Variants in CAMTA1 observed in about 807,000 individuals in gnomAD.
CAMTA1 encodes calmodulin-binding transcription activator 1.
CAMTA1 carries 27 observed loss-of-function variants against 170.9 expected under a neutral mutation model. That is an observed-to-expected ratio of 0.16 (90% CI 0.12 to 0.22). The LOEUF (loss-of-function observed/expected upper bound fraction) is 0.22. Ranked by LOEUF, CAMTA1 falls within the 10% of genes least tolerant of loss-of-function variation. CAMTA1 has a pLI of 1.00. For missense variants in CAMTA1, 1,619 were observed against 2,217.2 expected (o/e 0.73, Z 5.42); for synonymous variants, 833 against 891.5 (o/e 0.93, Z 1.17).
rs1673478539 is a variant in CAMTA1 at position 7,293,600 on chromosome 1, T to C, written c.438+43974T>C. Among the ~76,000 whole-genome samples, 1 of 152,232 alleles carries C rather than the reference T, an allele frequency of 6.6e-6. No individual in the cohort carries two copies. The highest frequency in any genetic ancestry group is 1.5e-5 in the Non-Finnish European group (1 of 68,046). On this transcript the variant is annotated intron_variant, in intron 5 of 22. Transcript: ENST00000303635. The surrounding 1 kb of genome is among the most constrained non-coding windows in gnomAD (Gnocchi z 4.1). ...GTTTGTATAATTTGGTGGTCTGTTT[T>C]CATCTTTTACAAGCAAAATGCTTGG... is the stretch of plus-strand genomic sequence containing the variant.
intron 11 of CAMTA1, among the ~76,000 whole-genome samples, chr1:7,696,323 G>C (rs1349852110): frequency 6.6e-6 from 1 of 152,032 alleles, no homozygotes; most frequent in Non-Finnish European, 1.5e-5. Flanking sequence ...CAGCCTCCGA[G>C]TAGCTGGGAC....
At chr1:7,493,292 C>A (rs1217389295) in intron 6 of CAMTA1, among the ~76,000 whole-genome samples, 12 of 141,816 alleles carry the variant, frequency 8.5e-5, no homozygotes, top group South Asian at 4.7e-4. Context: ...CGCGCACAAA[C>A]ACAAACATAC....
Position 7,455,609 on chromosome 1 carries a change from G to A in CAMTA1, c.439-12221G>A, listed in dbSNP as rs78712083. The stretch of plus-strand genomic sequence containing the variant: ...CAAGAATCCCTGCCCAGACTCCCTG[G>A]CCACATGCAGCCGCACATGTTGGAG... On this transcript the variant is annotated intron_variant, in intron 5 of 22. Coordinates refer to ENST00000303635, the MANE Select transcript of CAMTA1 (RefSeq NM_015215.4). The surrounding 1 kb of genome is among the most constrained non-coding windows in gnomAD (Gnocchi z 5.0). 2.5e-3 allele frequency among the ~76,000 whole-genome samples: 383 copies of A among 152,298 alleles called. 2 individuals are homozygous for A. Among genetic ancestry groups the A allele is most frequent in the African/African-American group, 8.0e-3 (332 of 41,574 alleles).
Position 7,499,230 on chromosome 1 carries a change from AGT to A in CAMTA1, c.510+31339_510+31340del, listed in dbSNP as rs1201043879. On this transcript the variant is annotated intron_variant, in intron 6 of 22. Transcript: ENST00000303635. ...CCTGGTGTGCATGTGTATGTATATG[AGT>A]GTGTGTGTGCATGTGTGTACATGAG... Among the ~76,000 whole-genome samples, 185 of 81,702 alleles carry A rather than the reference AGT, an allele frequency of 2.3e-3. 7 individuals are homozygous for A. Among genetic ancestry groups the A allele is most frequent in the African/African-American group, 4.3e-3 (82 of 19,014 alleles). 53.6% of individuals were successfully genotyped at this position (81,702 alleles called of 152,430 possible).
chr1:7,035,264 G>C (rs1572589542), intron 3 of CAMTA1, among the ~76,000 whole-genome samples: 1 of 152,108 alleles, frequency 6.6e-6, no homozygotes. Context: ...GCCGGGTGTG[G>C]TGGCACGCGC....
intron 5 of CAMTA1, among the ~76,000 whole-genome samples, chr1:7,354,445 G>A (rs1390777481): frequency 2.0e-5 from 3 of 152,152 alleles, no homozygotes; most frequent in East Asian, 3.8e-4. Flanking sequence ...CACCGCGCCC[G>A]ACCTACCACA....
intron 4 of CAMTA1, among the ~76,000 whole-genome samples, chr1:7,105,893 A>T (rs913027730): frequency 3.9e-5 from 6 of 152,078 alleles, no homozygotes; most frequent in Non-Finnish European, 8.8e-5. Context: ...GTGAGCCGAG[A>T]TCACGCACCG....
intron 3 of CAMTA1, among the ~76,000 whole-genome samples, chr1:6,962,358 A>ACCCCGCCCCG (rs1352689190): frequency 4.8e-5 from 3 of 62,268 alleles, no homozygotes; most frequent in African/African-American, 1.6e-4. Flanking sequence ...GCCCCTCCCC[A>ACCCCGCCCCG]CCCCGCCCCG....
chr1:7,505,570 G>A (rs1375256392), intron 6 of CAMTA1, among the ~76,000 whole-genome samples: 1 of 152,326 alleles, frequency 6.6e-6, no homozygotes, highest in East Asian at 1.9e-4. Flanking sequence ...CCCACCCAGG[G>A]CTGCAGTTTC....
At chr1:7,444,572 GA>G (rs2092631985) in intron 5 of CAMTA1, among the ~76,000 whole-genome samples, 1 of 152,232 alleles carries the variant, frequency 6.6e-6, no homozygotes, top group Non-Finnish European at 1.5e-5. Flanking sequence ...GAGGAAGCAG[GA>G]AGTGAAGCCC....
intron 4 of CAMTA1, among the ~76,000 whole-genome samples, chr1:7,194,766 C>T (rs1655199015): frequency 6.6e-6 from 1 of 152,318 alleles, no homozygotes; most frequent in South Asian, 2.1e-4. Flanking sequence ...CAGTATGACC[C>T]TCCTTCCCTG....
intron 5 of CAMTA1, among the ~76,000 whole-genome samples, chr1:7,274,119 C>A (rs1371075303): frequency 6.6e-6 from 1 of 152,044 alleles, no homozygotes; most frequent in Admixed American, 6.6e-5. Flanking sequence ...TACATAATTG[C>A]ATCAACTGTA....
At chr1:7,658,449 G>A (rs1228347876) in intron 7 of CAMTA1, among the ~76,000 whole-genome samples, 5 of 152,144 alleles carry the variant, frequency 3.3e-5, no homozygotes, top group Non-Finnish European at 5.9e-5. Flanking sequence ...AATGACATCA[G>A]AATCTCCTAT....
At chr1:7,059,091 C>T (rs550092424) in intron 3 of CAMTA1, among the ~76,000 whole-genome samples, 1 of 152,360 alleles carries the variant, frequency 6.6e-6, no homozygotes, top group South Asian at 2.1e-4. Flanking sequence ...TTTCCATCCT[C>T]ACCAGGCTCC....
intron 3 of CAMTA1, among the ~76,000 whole-genome samples, chr1:6,885,957 A>T (rs1015052554): frequency 6.6e-6 from 1 of 151,694 alleles, no homozygotes; most frequent in Non-Finnish European, 1.5e-5. Context: ...CCTTTGGTTC[A>T]CTCTTACCCT....
rs1379265312 is a variant in CAMTA1 at position 7,063,074 on chromosome 1, A to T, written c.235-28230A>T. On this transcript the variant is annotated intron_variant, in intron 3 of 22. Transcript: ENST00000303635. The surrounding 1 kb of genome is among the most constrained non-coding windows in gnomAD (Gnocchi z 4.3). ...CAACATATCTTTTTGGGGAACACGG[A>T]TTCATTTTTCTCACTTCCCTAACAA... Among the ~76,000 whole-genome samples, 1 of 152,192 alleles carries T rather than the reference A, an allele frequency of 6.6e-6. No individual in the cohort carries two copies. Among genetic ancestry groups the T allele is most frequent in the Non-Finnish European group, 1.5e-5 (1 of 68,042 alleles).
At chr1:7,540,941 G>A (rs1295275407) in intron 6 of CAMTA1, among the ~76,000 whole-genome samples, 1 of 152,224 alleles carries the variant, frequency 6.6e-6, no homozygotes, top group Non-Finnish European at 1.5e-5. Context: ...TTGGTCTTTA[G>A]CTAATGGCAC....
At chr1:7,012,909 C>T (rs1277593163) in intron 3 of CAMTA1, among the ~76,000 whole-genome samples, 2 of 152,200 alleles carry the variant, frequency 1.3e-5, no homozygotes, top group Non-Finnish European at 2.9e-5. Context: ...TCGGGAACCT[C>T]CACTTGTCTC....
intron 3 of CAMTA1, among the ~76,000 whole-genome samples, chr1:6,980,990 T>A (rs1427191079): frequency 6.6e-6 from 1 of 151,700 alleles, no homozygotes; most frequent in Non-Finnish European, 1.5e-5. Flanking sequence ...ACCCTTGGAG[T>A]CAGTTCTGTT....
Sources: gnomAD v4.1 joint callset for allele counts (sites outside exome capture counted in the v4.1 genomes callset) on GRCh38, gnomAD v4.1.1 for gene constraint, Gnocchi (gnomAD v3.1) non-coding constraint, MANE v1.5 for transcripts, NCBI Gene and HGNC (gene_info 2026-07-23, HGNC 2026-07-21) for gene names.